MACROD2: variants seen among roughly 807,000 people sequenced by gnomAD.
MACROD2 encodes mono-ADP ribosylhydrolase 2.
MACROD2 carries 36 observed loss-of-function variants against 70.4 expected under a neutral mutation model. The ratio of observed to expected loss-of-function variants is 0.51; its 90% CI spans 0.39 to 0.68. MACROD2 has a LOEUF of 0.68. Among genes scored for constraint, MACROD2 ranks in the 30% least tolerant of loss-of-function variants. MACROD2 has a pLI of 0.00. For missense variants in MACROD2, 496 were observed against 538.4 expected, an observed-to-expected ratio of 0.92 and a Z score of 0.78; for synonymous variants, 172 against 178.8, an observed-to-expected ratio of 0.96 and a Z score of 0.30.
At chr20:15,452,094 A>T (rs573035961) in intron 7 of MACROD2, among the ~76,000 whole-genome samples, 1 of 152,260 alleles carries the variant, frequency 6.6e-6, no homozygotes, top group South Asian at 2.1e-4. Flanking sequence ...TCAGTCAGGT[A>T]GTGAGAAATC....
intron 8 of MACROD2, among the ~76,000 whole-genome samples, chr20:15,605,413 C>T (rs2048879037): frequency 6.6e-6 from 1 of 151,090 alleles, no homozygotes; most frequent in Admixed American, 6.6e-5. Context: ...GGGGCATAGA[C>T]TCTTTCAGAT....
chr20:14,957,732 C>T (rs1186843394), intron 5 of MACROD2, among the ~76,000 whole-genome samples: 2 of 152,062 alleles, frequency 1.3e-5, no homozygotes, highest in Non-Finnish European at 2.9e-5. Context: ...TGTAGCACTT[C>T]TCTGGGTATC....
chr20:14,660,335 A>T (rs1986165847), intron 4 of MACROD2, among the ~76,000 whole-genome samples: 1 of 152,230 alleles, frequency 6.6e-6, no homozygotes. Flanking sequence ...TATAAGTAAC[A>T]GCTTGAAAAA....
chr20:15,519,055 T>TTCCCTTCC (rs2047608581), intron 8 of MACROD2, among the ~76,000 whole-genome samples: 1 of 116,340 alleles, frequency 8.6e-6, no homozygotes, highest in African/African-American at 3.2e-5. Flanking sequence ...TAACTCGCTC[T>TTCCCTTCC]TTCCTTCCTT....
intron 12 of MACROD2, among the ~76,000 whole-genome samples, chr20:15,959,794 A>T (rs2147388059): frequency 6.6e-6 from 1 of 152,206 alleles, no homozygotes; most frequent in East Asian, 1.9e-4. Context: ...AGCCTCCCAA[A>T]GTGCTGGGAT....
At chr20:15,829,429 T>C (rs1427603629) in intron 8 of MACROD2, among the ~76,000 whole-genome samples, 3 of 152,114 alleles carry the variant, frequency 2.0e-5, no homozygotes, top group African/African-American at 7.2e-5. Context: ...AACATGGATC[T>C]AAAAACAAAA....
intron 4 of MACROD2, among the ~76,000 whole-genome samples, chr20:14,681,634 G>A (rs567280115): frequency 8.0e-4 from 122 of 152,270 alleles, no homozygotes; most frequent in African/African-American, 2.7e-3. Flanking sequence ...TTTGGGTTCA[G>A]GGAAAGGTTT....
chr20:14,070,303 A>G (rs1037509724), intron 2 of MACROD2, among the ~76,000 whole-genome samples: 1 of 125,658 alleles, frequency 8.0e-6, no homozygotes, highest in Non-Finnish European at 1.7e-5. Flanking sequence ...ATAAATGGAT[A>G]TGCTGGAGTA....
intron 5 of MACROD2, among the ~76,000 whole-genome samples, chr20:15,141,490 A>G (rs1464598469): frequency 1.3e-5 from 2 of 152,190 alleles, no homozygotes; most frequent in Non-Finnish European, 2.9e-5. Context: ...CCTTCCATGC[A>G]CACAGCTTGC....
chr20:15,903,589 G>A (rs573918959), intron 10 of MACROD2, among the ~76,000 whole-genome samples: 1 of 152,250 alleles, frequency 6.6e-6, no homozygotes, highest in East Asian at 1.9e-4. Context: ...TTGGGGGTGG[G>A]GCTGAGAATC....
At chr20:14,053,772 A>G (rs2053601156) in intron 2 of MACROD2, 1 of 152,052 alleles carries the variant, frequency 6.6e-6, no homozygotes. Context: ...TTTATTTTTT[A>G]CACTTAAATA....
chr20:15,855,297 T>A (rs2064344410), intron 8 of MACROD2, among the ~76,000 whole-genome samples: 1 of 152,220 alleles, frequency 6.6e-6, no homozygotes, highest in South Asian at 2.1e-4. Flanking sequence ...ATCACATTTA[T>A]GGGGTAGGAA....
chr20:14,682,320 T>C (rs1246887718), intron 4 of MACROD2, among the ~76,000 whole-genome samples: 1 of 152,014 alleles, frequency 6.6e-6, no homozygotes, highest in Admixed American at 6.6e-5. Context: ...AATTAGGACT[T>C]AATTTTTCCC....
In MACROD2 at chr20:15,910,393, C is replaced by CGTGTGTGTGTGT. The variant is rs1568634216; in HGVS notation, c.776-22883_776-22882insGTGTGTGTGTGT. Among the ~76,000 whole-genome samples, 7 of 105,784 alleles carry CGTGTGTGTGTGT rather than the reference C, an allele frequency of 6.6e-5. No homozygotes were observed. In the East Asian group the frequency reaches 1.1e-3, roughly 16 times the overall value. The allele number at this position is 105,784 out of a possible 152,430, so 69.4% of individuals were successfully genotyped here. ...ATTGTGATGTGGCCAAGTCAGAGGA[C>CGTGTGTGTGTGT]ATGTGTGTGTGTGTGTGTGTGTGTG... is the stretch of plus-strand genomic sequence containing the variant. On this transcript the variant is annotated intron_variant, in intron 10 of 17. Transcript: ENST00000684519.
intron 3 of MACROD2, chr20:14,352,463 AT>A (rs1489639346): frequency 6.6e-6 from 1 of 152,170 alleles, no homozygotes; most frequent in East Asian, 1.9e-4. Flanking sequence ...CTTTATGCTT[AT>A]TATGTATATT....
rs547963180 is a variant in MACROD2 at position 15,186,494 on chromosome 20, T to G, written c.419-43446T>G. Among the ~76,000 whole-genome samples the G allele has an allele frequency of 1.1e-4, 16 of 152,306 alleles. 1 individual carries two copies. Among genetic ancestry groups the G allele is most frequent in the Middle Eastern group, 6.8e-3 (2 of 294 alleles). Reference sequence around the variant, plus strand: ...GCTCCATAAAACAGGAACTGTTCACTGTATTTCTTCCGGACTTAAGACAGC... The same window carrying G: ...GCTCCATAAAACAGGAACTGTTCACGGTATTTCTTCCGGACTTAAGACAGC... On this transcript the variant is annotated intron_variant, in intron 5 of 17. Coordinates refer to ENST00000684519, the MANE Select transcript of MACROD2 (RefSeq NM_001351661.2).
chr20:14,272,557 C>A (rs1434317952), intron 3 of MACROD2, among the ~76,000 whole-genome samples: 2 of 152,000 alleles, frequency 1.3e-5, no homozygotes. Context: ...ATTGTAAAGA[C>A]CATCGAGACT....
At chr20:14,749,812 G>T (rs2071846559) in intron 5 of MACROD2, among the ~76,000 whole-genome samples, 1 of 152,096 alleles carries the variant, frequency 6.6e-6, no homozygotes, top group South Asian at 2.1e-4. Flanking sequence ...AATAGAAAGT[G>T]GTACCTTGGG....
chr20:15,117,031 T>C (rs1438026581), intron 5 of MACROD2, among the ~76,000 whole-genome samples: 5 of 152,194 alleles, frequency 3.3e-5, no homozygotes, highest in Non-Finnish European at 1.5e-5. Flanking sequence ...GAATTGTAAT[T>C]AAGGTATTTT....
Sources: gnomAD v4.1 joint callset for allele counts (sites outside exome capture counted in the v4.1 genomes callset) on GRCh38, gnomAD v4.1.1 for gene constraint, MANE v1.5 for transcripts, NCBI Gene and HGNC (gene_info 2026-07-23, HGNC 2026-07-21) for gene names.